The following RBPMS variants were observed in gnomAD, a reference collection of about 807,000 sequenced individuals.
RBPMS encodes the protein RNA binding protein, mRNA processing factor, also known as RNA-binding protein with multiple splicing.
Under a neutral mutation model 26.8 loss-of-function variants are expected in RBPMS, and 7 were observed. The ratio of observed to expected loss-of-function variants is 0.26; its 90% CI spans 0.15 to 0.49. The LOEUF (loss-of-function observed/expected upper bound fraction) is 0.49, where lower values mean the gene tolerates loss of function less well. Among genes scored for constraint, RBPMS ranks in the 20% least tolerant of loss-of-function variants. The pLI, the probability that RBPMS is intolerant of heterozygous loss-of-function variation, is 0.98. For synonymous variants in RBPMS, 96 were observed against 93.3 expected (o/e 1.03, Z -0.17); for missense variants, 186 against 250.0 (o/e 0.74, Z 1.73).
At chr8:30,549,793 TCTCCC>T (rs1826177618) in intron 6 of RBPMS, among the ~76,000 whole-genome samples, 3 of 109,368 alleles carry the variant, frequency 2.7e-5, no homozygotes, top group Non-Finnish European at 5.6e-5. Flanking sequence ...TCTCTCTCTC[TCTCCC>T]CTCTCTCCTC....
At chr8:30,539,430 A>G (rs1399195998) in intron 5 of RBPMS, among the ~76,000 whole-genome samples, 2 of 152,154 alleles carry the variant, frequency 1.3e-5, no homozygotes, top group Non-Finnish European at 2.9e-5. Context: ...GTCTTAGTTC[A>G]GACATTATAA....
At chr8:30,569,716 T>C (rs1828139989) in intron 8 of RBPMS, among the ~76,000 whole-genome samples, 1 of 150,306 alleles carries the variant, frequency 6.7e-6, no homozygotes, top group African/African-American at 2.5e-5. Flanking sequence ...GATGGTGGAG[T>C]GGAAGGAGCA....
chr8:30,426,279 C>T (rs1028769388), intron 1 of RBPMS, among the ~76,000 whole-genome samples: 8 of 152,138 alleles, frequency 5.3e-5, no homozygotes. Context: ...TCCTTTTAAT[C>T]TTGTGGTAGA....
chr8:30,391,641 G>A lies in RBPMS; in HGVS notation c.66+6483G>A, dbSNP rs148187657. Among the ~76,000 whole-genome samples the A allele has an allele frequency of 5.3e-5, 8 of 152,254 alleles. No homozygotes were observed. The East Asian group carries it at 1.2e-3, about 22-fold the overall frequency. On this transcript the variant is annotated intron_variant, in intron 1 of 8. Coordinates refer to ENST00000397323, the MANE Select transcript of RBPMS (RefSeq NM_001008710.3). ...GGGATGAGCTTATTTGTCATATGGG[G>A]ATAACTCCTCACACTCACATCCCTA...
At chr8:30,570,196 TAAATAGGTTATCAATA>T in intron 8 of RBPMS, among the ~76,000 whole-genome samples, 1 of 152,332 alleles carries the variant, frequency 6.6e-6, no homozygotes, top group South Asian at 2.1e-4. Flanking sequence ...TTGGGACATT[TAAATAGGTTATCAATA>T]ATTATCTGTT....
At chr8:30,461,331 A>T (rs1316873349) in intron 1 of RBPMS, among the ~76,000 whole-genome samples, 2 of 152,188 alleles carry the variant, frequency 1.3e-5, no homozygotes, top group African/African-American at 4.8e-5. Flanking sequence ...TATTTAACGT[A>T]TACTGAAATT....
At chr8:30,428,732 G>A (rs1205236756) in intron 1 of RBPMS, among the ~76,000 whole-genome samples, 1 of 151,714 alleles carries the variant, frequency 6.6e-6, no homozygotes, top group Non-Finnish European at 1.5e-5. Flanking sequence ...TGGCATCTGT[G>A]TGAGGACCTT....
At chr8:30,433,686 G>C (rs757551576) in intron 1 of RBPMS, among the ~76,000 whole-genome samples, 10 of 152,130 alleles carry the variant, frequency 6.6e-5, no homozygotes, top group Admixed American at 5.2e-4. Context: ...GACAAAAAAA[G>C]AAAAAGAGGG....
chr8:30,477,657 A>T, intron 2 of RBPMS, 142 bp from the exon 3 acceptor site: 1 of 602,730 alleles, frequency 1.7e-6, no homozygotes, highest in Non-Finnish European at 3.0e-6. Flanking sequence ...ATGCACATGC[A>T]TGTGTGTAAT....
intron 5 of RBPMS, among the ~76,000 whole-genome samples, chr8:30,543,414 A>T (rs1585827128): frequency 6.6e-6 from 1 of 152,344 alleles, no homozygotes; most frequent in East Asian, 1.9e-4. Context: ...GTAGGAAGGA[A>T]TAAAGTGACT....
At chr8:30,472,040 AGG>A (rs1585580968) in intron 1 of RBPMS, among the ~76,000 whole-genome samples, 1 of 152,244 alleles carries the variant, frequency 6.6e-6, no homozygotes, top group East Asian at 1.9e-4. Context: ...TTTCATATAT[AGG>A]CATTCCACTT....
At chr8:30,459,002 C>T (rs2150772616) in intron 1 of RBPMS, among the ~76,000 whole-genome samples, 1 of 143,630 alleles carries the variant, frequency 7.0e-6, no homozygotes, top group African/African-American at 2.6e-5. Context: ...TCACTCTTGT[C>T]ACCCAAGCTG....
At chr8:30,385,231 G>T (rs7813046) in intron 1 of RBPMS, 73 bp downstream of exon 1, 2 of 1,109,404 alleles carry the variant, frequency 1.8e-6, no homozygotes, top group African/African-American at 1.7e-5. Flanking sequence ...GCGCGGGCCC[G>T]GGGCGCGGCG....
intron 5 of RBPMS, among the ~76,000 whole-genome samples, chr8:30,514,316 A>G (rs890309083): frequency 2.6e-5 from 4 of 152,158 alleles, no homozygotes; most frequent in Admixed American, 1.3e-4. Flanking sequence ...TATGAAGTAA[A>G]TGGCTGCTTC....
rs1820869057 is a variant in RBPMS, at chr8:30,504,330, G to A, written c.291G>A (p.Glu97=). 5 of 1,614,062 alleles carry A rather than the reference G, an allele frequency of 3.1e-6. No homozygotes were observed. The highest frequency in any genetic ancestry group is 2.5e-6 in the Non-Finnish European group (3 of 1,180,022). Residue 97 remains glutamate, a synonymous_variant, in exon 5 of 9, where the codon GAG becomes GAA. Coordinates refer to ENST00000397323, the MANE Select transcript of RBPMS (RefSeq NM_001008710.3). ...AAATTCCGCAAACACTACGACTAGA[G>A]TTTGCTAAGGCAAACACGAAGATGG... ...DPEIPQTLRL[E]FAKANTKMAK...
At chr8:30,549,811 T>TCCC (rs1240289060) in intron 6 of RBPMS, among the ~76,000 whole-genome samples, 3 of 132,408 alleles carry the variant, frequency 2.3e-5, no homozygotes, top group African/African-American at 8.7e-5. Flanking sequence ...CTCTCCTCTC[T>TCCC]CTCTCTCTCT....
chr8:30,385,179 G>C, intron 1 of RBPMS, 21 bp downstream of exon 1: 1 of 1,462,282 alleles, frequency 6.8e-7, no homozygotes, highest in Non-Finnish European at 9.1e-7. Context: ...GCTCGGTGTG[G>C]TGGCGGGGGC....
chr8:30,562,603 A>C (rs1344609441), intron 7 of RBPMS, among the ~76,000 whole-genome samples: 1 of 152,174 alleles, frequency 6.6e-6, no homozygotes, highest in Non-Finnish European at 1.5e-5. Flanking sequence ...CAAGCTGTGT[A>C]ATCTTAGGCA....
chr8:30,479,033 C>G (rs1277022692), intron 3 of RBPMS, among the ~76,000 whole-genome samples: 1 of 152,210 alleles, frequency 6.6e-6, no homozygotes, highest in Non-Finnish European at 1.5e-5. Context: ...CCTCTATTCC[C>G]TTGTTCACTG....
Sources: allele counts gnomAD v4.1 joint callset (sites outside exome capture counted in the v4.1 genomes callset), GRCh38; gene constraint gnomAD v4.1.1; transcripts MANE v1.5; gene names NCBI Gene and HGNC (gene_info 2026-07-23, HGNC 2026-07-21).